The following CD7 variants were observed in gnomAD, a reference collection of about 807,000 sequenced individuals.
CD7 encodes T-cell antigen CD7.
Under a neutral mutation model 17.6 loss-of-function variants are expected in CD7, and 19 were observed. That is an observed-to-expected ratio of 1.08 (90% CI 0.75 to 1.58). The LOEUF (loss-of-function observed/expected upper bound fraction) is 1.58. Among genes scored for constraint, CD7 ranks in the 40% most tolerant of loss-of-function variants. The pLI is 0.00. For missense variants in CD7, 291 were observed against 327.1 expected (o/e 0.89, Z 0.85); for synonymous variants, 160 against 159.8 (o/e 1.00, Z -0.01).
chr17:82,315,505 T>C lies in CD7; in HGVS notation c.613-74A>G. On this transcript the variant is annotated intron_variant, in intron 3 of 3. Coordinates refer to ENST00000312648, the MANE Select transcript of CD7 (RefSeq NM_006137.7). ...GGACCCCACCCCACTCCGGTCAGCT[T>C]TCTAATTTTAACACGAGACCCCCAC... 2.5e-6 allele frequency: 3 copies of C among 1,215,958 alleles called. No homozygotes were observed. In the Middle Eastern group the frequency reaches 5.7e-4, roughly 230 times the overall value. The allele number at this position is 1,215,958 out of a possible 1,614,324, so 75.3% of individuals were successfully genotyped here.
intron 1 of CD7, 29 bp from the exon 2 acceptor site, chr17:82,317,010 G>A (rs1239831402): frequency 2.2e-5 from 34 of 1,545,232 alleles, no homozygotes; most frequent in Non-Finnish European, 3.0e-5. Context: ...GTCACCATCA[G>A]TCTGGCCAGA....
chr17:82,315,978 CGG>C, intron 3 of CD7: 2 of 657,990 alleles, frequency 3.0e-6, no homozygotes, highest in Non-Finnish European at 2.7e-6. Flanking sequence ...CGCGCACACG[CGG>C]GCCCAGCGCC....
Position 82,315,047 on chromosome 17 carries a change from A to C in CD7, c.*274T>G. ...AAAGCCCTCCTTGGCCATGGTCGGG[A>C]GATGCAGCCAAAGGACAGTCAGGCT... is the stretch of plus-strand genomic sequence containing the variant. On this transcript the variant is annotated 3_prime_UTR_variant, in exon 4 of 4. Transcript: ENST00000312648. 1 of 406,056 alleles carries C rather than the reference A, an allele frequency of 2.5e-6. No homozygotes were observed. Among genetic ancestry groups the C allele is most frequent in the Non-Finnish European group, 4.7e-6 (1 of 212,954 alleles). The allele number at this position is 406,056 out of a possible 1,614,324, so 25.2% of individuals were successfully genotyped here.
At position 82,316,289 on chromosome 17, in the gene CD7, GGGT is replaced by G; in HGVS notation, c.515_517del (p.Asp172_Pro173delinsAla). Reference sequence around the variant, plus strand: ...CGCAGGGAGGGCAGAGGCTGCTGGCGGGTCAGGGAGGGCAGAGGCTGTCTGCGG... The same window carrying G: ...CGCAGGGAGGGCAGAGGCTGCTGGCGCAGGGAGGGCAGAGGCTGTCTGCGG... On this transcript the variant is annotated inframe_deletion, in exon 3 of 4. Coordinates refer to ENST00000312648, the MANE Select transcript of CD7 (RefSeq NM_006137.7). 3 of 1,460,016 alleles carry G rather than the reference GGGT, an allele frequency of 2.1e-6. No individual in the cohort carries two copies. Among genetic ancestry groups the G allele is most frequent in the Non-Finnish European group, 2.8e-6 (3 of 1,061,822 alleles). 90.4% of individuals were successfully genotyped at this position (1,460,016 alleles called of 1,614,324 possible).
intron 3 of CD7, chr17:82,315,947 T>TG (rs2052008226): frequency 1.9e-6 from 1 of 514,422 alleles, no homozygotes; most frequent in African/African-American, 2.4e-5. Flanking sequence ...CCTCAGACAC[T>TG]CACACCTGCA....
At chr17:82,315,648 G>T in intron 3 of CD7, 1 of 564,312 alleles carries the variant, frequency 1.8e-6, no homozygotes, top group Non-Finnish European at 3.2e-6. Context: ...AGTGGAAGTG[G>T]CTTGGACCCC....
At chr17:82,316,156 A>C (rs1167975780) in intron 3 of CD7, 39 bp downstream of exon 3, 1 of 1,540,610 alleles carries the variant, frequency 6.5e-7, no homozygotes, top group East Asian at 2.4e-5. Context: ...AGAGGGAACA[A>C]TCTTTGGGGT....
In CD7 at chr17:82,316,333, G is replaced by A; in HGVS notation, c.474C>T (p.Gly158=). 6.3e-7 allele frequency: 1 copy of A among 1,584,546 alleles called. No homozygotes were observed. Among genetic ancestry groups the A allele is most frequent in the African/African-American group, 1.3e-5 (1 of 74,602 alleles). The part of the protein sequence containing the change: ...RASALPAPPT[G]SALPDPQTAS... ...CTGTCTGCGGGTCAGGGAGGGCGGA[G>A]CCTGTCGGTGGGGCAGGGAGGGCAG... The change falls in exon 3 of 4, where the codon GGC becomes GGT. Residue 158 remains glycine (G), a synonymous_variant. Transcript: ENST00000312648.
intron 3 of CD7, chr17:82,315,902 A>G: frequency 1.7e-6 from 1 of 596,162 alleles, no homozygotes; most frequent in Non-Finnish European, 2.9e-6. Flanking sequence ...CTGCCCGCAC[A>G]CTCCAACCTG....
chr17:82,317,352 T>G, intron 1 of CD7, 62 bp downstream of exon 1: 1 of 1,467,026 alleles, frequency 6.8e-7, no homozygotes, highest in Non-Finnish European at 9.3e-7. Flanking sequence ...CTGGGGGCTC[T>G]GAGCTCATGG....
chr17:82,315,636 A>C, intron 3 of CD7: 1 of 569,440 alleles, frequency 1.8e-6, no homozygotes, highest in Non-Finnish European at 3.2e-6. Context: ...CTGAAGAAGG[A>C]GAGTGGAAGT....
In CD7 at chr17:82,316,836, C is replaced by T; in HGVS notation, c.228G>A (p.Val76=). 1 of 1,613,968 alleles carries T rather than the reference C, an allele frequency of 6.2e-7. No homozygotes were observed. The highest frequency in any genetic ancestry group is 8.5e-7 in the Non-Finnish European group (1 of 1,179,994). ...PQDIIYYEDG[V]VPTTDRRFRG... ...GGAACCGTCTGTCCGTAGTGGGCAC[C>T]ACCCCGTCCTCGTAGTAAATGATGT... The change falls in exon 2 of 4, where the codon GTG becomes GTA. Residue 76 remains valine, a synonymous_variant. Coordinates refer to ENST00000312648, the MANE Select transcript of CD7 (RefSeq NM_006137.7).
chr17:82,316,777 T>G lies in CD7; in HGVS notation c.287A>C (p.Asn96Thr). ...GRIDFSGSQD[N>T]LTITMHRLQL... is the part of the protein sequence containing the mutation. ...CAGGCGGTGCATGGTGATAGTCAGG[T>G]TGTCCTGGGACCCTGAGAAGTCGAT... Residue 96 changes from asparagine to threonine, a missense_variant, in exon 2 of 4, where the codon AAC (asparagine) becomes ACC (threonine). By Grantham distance (65) the Asn-to-Thr change is moderately conservative (BLOSUM62 0). Transcript: ENST00000312648. 1.9e-6 allele frequency: 3 copies of G among 1,613,864 alleles called. No homozygotes were observed. In the South Asian group the frequency reaches 3.3e-5, roughly 18 times the overall value.
chr17:82,316,019 T>G (rs1366715985), intron 3 of CD7, 176 bp downstream of exon 3: 11 of 723,962 alleles, frequency 1.5e-5, no homozygotes, highest in East Asian at 2.7e-5. Flanking sequence ...TCAGGTCGCT[T>G]TGGTGCTGGT....
In CD7 at chr17:82,316,016, G is replaced by A. The variant is rs115263610; in HGVS notation, c.612+179C>T. 1.7e-3 allele frequency: 1,228 copies of A among 714,178 alleles called. 11 individuals carry two copies. The African/African-American group carries it at 0.02, about 11-fold the overall frequency. 44.2% of individuals were successfully genotyped at this position (714,178 alleles called of 1,614,324 possible). On this transcript the variant is annotated intron_variant, in intron 3 of 3. Transcript: ENST00000312648. ...TGGGCTGCTCCCTCCCCCTCAGGTC[G>A]CTTTGGTGCTGGTCCCCCTCCCTCC... is the stretch of plus-strand genomic sequence containing the variant.
intron 1 of CD7, 28 bp downstream of exon 1, chr17:82,317,386 G>C: frequency 1.9e-6 from 3 of 1,540,118 alleles, no homozygotes; most frequent in Non-Finnish European, 2.6e-6. Context: ...CTGGAGCTGT[G>C]GCCATGGAGA....
rs777449291 is a variant in CD7, at chr17:82,316,906, C to A, written c.158G>T (p.Gly53Val). Residue 53 changes from glycine to valine, a missense_variant, in exon 2 of 4, where the codon GGC becomes GTC. Gly to Val is a moderately radical substitution (Grantham distance 109). Coordinates refer to ENST00000312648, the MANE Select transcript of CD7 (RefSeq NM_006137.7). ...CTGCCTCAGGTAGATCCCACGCAGGCCCCCGCTGGTGGAGCAGGTGATGTT... is the reference window on the plus strand; with the variant it reads ...CTGCCTCAGGTAGATCCCACGCAGGACCCCGCTGGTGGAGCAGGTGATGTT... ...SVNITCSTSG[G>V]LRGIYLRQLG... The A allele has an allele frequency of 1.2e-6, 2 of 1,612,340 alleles. No homozygotes were observed. Among genetic ancestry groups the A allele is most frequent in the African/African-American group, 1.3e-5 (1 of 75,030 alleles).
intron 3 of CD7, chr17:82,315,930 G>T: frequency 1.6e-6 from 1 of 614,612 alleles, no homozygotes; most frequent in Non-Finnish European, 2.9e-6. Flanking sequence ...AGACCTCAGA[G>T]ATCCCCCCTC....
Position 82,316,908 on chromosome 17 carries a change from C to T in CD7, c.156G>A (p.Gly52=), listed in dbSNP as rs770712710. 2.5e-6 allele frequency: 4 copies of T among 1,612,148 alleles called. No individual in the cohort carries two copies. In the Admixed American group the frequency reaches 5.0e-5, roughly 20 times the overall value. Residue 52 remains glycine (G), a synonymous_variant, in exon 2 of 4, where the codon GGG becomes GGA. Transcript: ENST00000312648. ...ASVNITCSTS[G]GLRGIYLRQL... is the part of the protein sequence containing the mutation. ...GCCTCAGGTAGATCCCACGCAGGCC[C>T]CCGCTGGTGGAGCAGGTGATGTTGA...
Sources: gnomAD v4.1 joint callset for allele counts on GRCh38, gnomAD v4.1.1 for gene constraint, MANE v1.5 for transcripts, NCBI Gene and HGNC (gene_info 2026-07-23, HGNC 2026-07-21) for gene names.